BNC2: variants seen among roughly 807,000 people sequenced by gnomAD.
The protein encoded by BNC2 is basonuclin zinc finger protein 2.
BNC2 carries 20 observed loss-of-function variants against 76.3 expected under a neutral mutation model. The observed-to-expected ratio is 0.26, with a 90% CI of 0.18 to 0.38. The LOEUF is 0.38. Ranked by LOEUF, BNC2 falls within the 10% of genes least tolerant of loss-of-function variation. The pLI is 1.00. For missense variants in BNC2, 1,382 were observed against 1,399.8 expected (o/e 0.99, Z 0.20); for synonymous variants, 582 against 514.8 (o/e 1.13, Z -1.77).
intron 5 of BNC2, among the ~76,000 whole-genome samples, chr9:16,454,039 T>C (rs1408489008): frequency 6.6e-6 from 1 of 152,184 alleles, no homozygotes; most frequent in Non-Finnish European, 1.5e-5. Context: ...TAGAATTCTG[T>C]CATCAGTCTG....
chr9:16,436,603 G>A lies in BNC2; in HGVS notation c.1591C>T (p.Leu531Phe). The A allele has an allele frequency of 1.2e-6, 2 of 1,614,158 alleles. No individual in the cohort carries two copies. Among genetic ancestry groups the A allele is most frequent in the Non-Finnish European group, 1.7e-6 (2 of 1,180,034 alleles). Reference protein sequence around the residue: ...VIASTKSNLALTSPGRPPMGF... With the variant: ...VIASTKSNLAFTSPGRPPMGF... ...ATTGGGGGTCGGCCAGGGCTTGTGA[G>A]TGCCAGATTTGATTTTGTACTTGCT... The change falls in exon 6 of 7, where the codon CTC (leucine) becomes TTC (phenylalanine). Residue 531 changes from leucine (L) to phenylalanine (F), a missense_variant. Around this residue, in one of 3 missense-constraint regions of BNC2, gnomAD observed 798 missense variants for 775.5 expected, o/e 1.03. Coordinates refer to ENST00000380672, the MANE Select transcript of BNC2 (RefSeq NM_017637.6).
intron 1 of BNC2, among the ~76,000 whole-genome samples, chr9:16,830,638 T>C (rs940114118): frequency 1.3e-5 from 2 of 152,214 alleles, no homozygotes; most frequent in African/African-American, 4.8e-5. Context: ...TTCAAGGTGA[T>C]TGCCAACTTA....
chr9:16,511,947 G>A (rs910313494), intron 5 of BNC2, among the ~76,000 whole-genome samples: 1 of 152,062 alleles, frequency 6.6e-6, no homozygotes, highest in East Asian at 1.9e-4. Flanking sequence ...AGTGCTCTCC[G>A]TAAAAATCTC....
At chr9:16,457,711 A>G (rs906666027) in intron 5 of BNC2, among the ~76,000 whole-genome samples, 35 of 152,136 alleles carry the variant, frequency 2.3e-4, no homozygotes, top group African/African-American at 8.2e-4. Context: ...CATAAAGCAT[A>G]TTATTTACAG....
rs547832913 is a variant in BNC2 at position 16,706,797 on chromosome 9, G to A, written c.330+21000C>T. Among the ~76,000 whole-genome samples, 14 of 152,308 alleles carry A rather than the reference G, an allele frequency of 9.2e-5. No individual in the cohort carries two copies. In the South Asian group the frequency reaches 2.9e-3, roughly 32 times the overall value. ...AAAAAAGGAATTATACTTGACTGGGGGGAGGGGAGAATCAATCCAACTCAG... is the reference window on the plus strand; with the variant it reads ...AAAAAAGGAATTATACTTGACTGGGAGGAGGGGAGAATCAATCCAACTCAG... On this transcript the variant is annotated intron_variant, in intron 3 of 6. Coordinates refer to ENST00000380672, the MANE Select transcript of BNC2 (RefSeq NM_017637.6).
intron 5 of BNC2, among the ~76,000 whole-genome samples, chr9:16,471,571 C>T (rs145253702): frequency 8.7e-4 from 132 of 152,308 alleles, no homozygotes; most frequent in Admixed American, 1.2e-3. Context: ...GGATTACAGG[C>T]GTGAGCCACT....
At chr9:16,777,027 G>A (rs1159236324) in intron 1 of BNC2, among the ~76,000 whole-genome samples, 1 of 152,136 alleles carries the variant, frequency 6.6e-6, no homozygotes, top group Non-Finnish European at 1.5e-5. Flanking sequence ...TCAGTAGGTT[G>A]AGGCAAGAGA....
chr9:16,810,421 C>A (rs984475947), intron 1 of BNC2, among the ~76,000 whole-genome samples: 2 of 152,194 alleles, frequency 1.3e-5, no homozygotes, highest in Non-Finnish European at 2.9e-5. Context: ...TAAATAGGGG[C>A]TACAGGCTAG....
chr9:16,754,596 T>C (rs7867621), intron 1 of BNC2, among the ~76,000 whole-genome samples: 130,865 of 151,942 alleles, frequency 0.86, 56,741 homozygotes, highest in Non-Finnish European at 0.91. Flanking sequence ...CTCGCTCTGT[T>C]GCTCAGGCTG....
At chr9:16,843,774 GC>G (rs1818892606) in intron 1 of BNC2, among the ~76,000 whole-genome samples, 1 of 152,154 alleles carries the variant, frequency 6.6e-6, no homozygotes, top group East Asian at 1.9e-4. Flanking sequence ...TAGGTACTAC[GC>G]TTTTCATCAA....
chr9:16,765,971 T>C (rs1035220353), intron 1 of BNC2, among the ~76,000 whole-genome samples: 3 of 151,996 alleles, frequency 2.0e-5, no homozygotes, highest in African/African-American at 7.2e-5. Flanking sequence ...GTATTTTTAG[T>C]AGAGACGGGA....
At position 16,849,461 on chromosome 9, in the gene BNC2, C is replaced by T. The variant is rs148103261; in HGVS notation, c.3+21185G>A. On this transcript the variant is annotated intron_variant, in intron 1 of 6. Transcript: ENST00000380672. ...GCAACCTCCACCTCCCAAGTTCAAG[C>T]AAGTCTCCTGCCTCAGCCCCCAAAG... Among the ~76,000 whole-genome samples the T allele has an allele frequency of 8.8e-3, 1,283 of 145,832 alleles. 19 individuals carry two copies. Among genetic ancestry groups the T allele is most frequent in the African/African-American group, 0.031 (1,218 of 38,996 alleles).
intron 1 of BNC2, among the ~76,000 whole-genome samples, chr9:16,826,534 A>G (rs545864765): frequency 1.3e-5 from 2 of 152,300 alleles, no homozygotes; most frequent in African/African-American, 4.8e-5. Flanking sequence ...GCTGCTTGCC[A>G]TATTCTTGGG....
In BNC2 at chr9:16,664,302, G is replaced by A. The variant is rs556894703; in HGVS notation, c.330+63495C>T. On this transcript the variant is annotated intron_variant, in intron 3 of 6. Coordinates refer to ENST00000380672, the MANE Select transcript of BNC2 (RefSeq NM_017637.6). ...CTGGCTGGCATCTACATATTTTGTT[G>A]CTCAGAGGCATGCTAAATCTTCCCT... is the stretch of plus-strand genomic sequence containing the variant. Among the ~76,000 whole-genome samples, 3 of 152,166 alleles carry A rather than the reference G, an allele frequency of 2.0e-5. 1 individual carries two copies. Among genetic ancestry groups the A allele is most frequent in the Non-Finnish European group, 4.4e-5 (3 of 68,004 alleles).
intron 3 of BNC2, among the ~76,000 whole-genome samples, chr9:16,615,343 T>G (rs1478028965): frequency 6.6e-6 from 1 of 152,170 alleles, no homozygotes; most frequent in East Asian, 1.9e-4. Flanking sequence ...ATATGGCACC[T>G]TGACATACTG....
intron 4 of BNC2, among the ~76,000 whole-genome samples, chr9:16,570,138 T>G (rs1393088026): frequency 1.3e-5 from 2 of 152,184 alleles, no homozygotes; most frequent in African/African-American, 4.8e-5. Flanking sequence ...AGAATTTCAT[T>G]AAGCAAAAAG....
At chr9:16,732,393 A>G (rs1824537368) in intron 2 of BNC2, among the ~76,000 whole-genome samples, 1 of 152,184 alleles carries the variant, frequency 6.6e-6, no homozygotes, top group South Asian at 2.1e-4. Context: ...AAAAAACCTC[A>G]TTGAGTTCTA....
At chr9:16,426,270 T>C (rs1820802307) in intron 6 of BNC2, among the ~76,000 whole-genome samples, 1 of 152,090 alleles carries the variant, frequency 6.6e-6, no homozygotes, top group Non-Finnish European at 1.5e-5. Context: ...TTTTAGAAGA[T>C]ATATTTCCAA....
chr9:16,633,203 C>A (rs1363919381), intron 3 of BNC2, among the ~76,000 whole-genome samples: 1 of 152,108 alleles, frequency 6.6e-6, no homozygotes, highest in Non-Finnish European at 1.5e-5. Flanking sequence ...ATTGTTTAGA[C>A]GTCTAAGAAG....
Sources: gnomAD v4.1 joint callset for allele counts (sites outside exome capture counted in the v4.1 genomes callset) on GRCh38, gnomAD v4.1.1 for gene constraint, gnomAD v4.1.1 regional missense constraint, MANE v1.5 for transcripts, NCBI Gene and HGNC (gene_info 2026-07-23, HGNC 2026-07-21) for gene names.